The following NCAN variants were observed in gnomAD, a reference collection of about 807,000 sequenced individuals.
The protein encoded by NCAN is neurocan core protein.
NCAN carries 47 observed loss-of-function variants against 121.8 expected under a neutral mutation model. The observed-to-expected ratio is 0.39, with a 90% CI of 0.31 to 0.49. The LOEUF (loss-of-function observed/expected upper bound fraction) is 0.49. Ranked by LOEUF, NCAN falls within the 20% of genes least tolerant of loss-of-function variation. The pLI is 0.92. For synonymous variants in NCAN, 633 were observed against 702.0 expected (o/e 0.90, Z 1.55); for missense variants, 1,517 against 1,773.4 (o/e 0.86, Z 2.60).
intron 10 of NCAN, 86 bp from the exon 11 acceptor site, chr19:19,238,167 C>A (rs1338376004): frequency 1.5e-5 from 24 of 1,572,240 alleles, no homozygotes; most frequent in African/African-American, 2.7e-5. Context: ...GGATTGGGCC[C>A]TCTCTCTGGT....
chr19:19,239,706 TC>T (rs2060895671), intron 11 of NCAN, among the ~76,000 whole-genome samples: 1 of 106,002 alleles, frequency 9.4e-6, no homozygotes, highest in Admixed American at 1.0e-4. Flanking sequence ...CTCCCATTCA[TC>T]CCCTCCTCCC....
intron 8 of NCAN, among the ~76,000 whole-genome samples, chr19:19,232,423 T>C (rs1020153059): frequency 1.3e-5 from 2 of 152,234 alleles, no homozygotes; most frequent in Non-Finnish European, 2.9e-5. Flanking sequence ...GGCAGCCTTG[T>C]GCGTGTGCAC....
At chr19:19,229,657 A>G (rs1029029351) in intron 8 of NCAN, among the ~76,000 whole-genome samples, 21 of 152,240 alleles carry the variant, frequency 1.4e-4, no homozygotes, top group African/African-American at 4.6e-4. Context: ...AGCAGCGTCC[A>G]TAGAAATCGG....
Position 19,224,367 on chromosome 19 carries a change from C to G in NCAN, c.712C>G (p.Arg238Gly). Residue 238 changes from arginine (R) to glycine (G), a missense_variant, in exon 5 of 15, where the codon CGG (arginine) becomes GGG (glycine). Physicochemically the swap from Arg to Gly is moderately radical, Grantham distance 125. Transcript: ENST00000252575. ...YGDRSSLPGVRSYGRRNPQEL... is the reference protein window; with the variant it reads ...YGDRSSLPGVGSYGRRNPQEL... The stretch of plus-strand genomic sequence containing the variant: ...CGACCGTAGCAGCCTTCCAGGGGTT[C>G]GGAGCTATGGGAGGCGCAACCCACA... 6.2e-7 allele frequency: 1 copy of G among 1,614,032 alleles called. No individual in the cohort carries two copies. Among genetic ancestry groups the G allele is most frequent in the Non-Finnish European group, 8.5e-7 (1 of 1,179,976 alleles).
At position 19,219,093 on chromosome 19, in the gene NCAN, G is replaced by T; in HGVS notation, c.252G>T (p.Ala84=). The change falls in exon 3 of 15, where the codon GCG becomes GCT. Residue 84 remains alanine, a synonymous_variant. Coordinates refer to ENST00000252575, the MANE Select transcript of NCAN (RefSeq NM_004386.3). Reference sequence around the variant, plus strand: ...TAAAGTGGACCAAGGTGCGGACTGCGTCGGGCCAGCGACAGGACTTGCCCA... The same window carrying T: ...TAAAGTGGACCAAGGTGCGGACTGCTTCGGGCCAGCGACAGGACTTGCCCA... The part of the protein sequence containing the change: ...PRIKWTKVRT[A]SGQRQDLPIL... 1.2e-6 allele frequency: 2 copies of T among 1,612,550 alleles called. No homozygotes were observed. The highest frequency in any genetic ancestry group is 1.7e-6 in the Non-Finnish European group (2 of 1,179,114).
chr19:19,249,071 G>A (rs1186084086), intron 14 of NCAN, 189 bp downstream of exon 14: 8 of 574,928 alleles, frequency 1.4e-5, no homozygotes, highest in African/African-American at 4.5e-5. Context: ...GTGTGTGTGT[G>A]TGTGTGTGTA....
intron 13 of NCAN, 75 bp from the exon 14 acceptor site, chr19:19,248,625 A>AAAC (rs1051775973): frequency 2.4e-4 from 354 of 1,459,484 alleles, no homozygotes; most frequent in Admixed American, 1.3e-3. Flanking sequence ...ACTCTGTCTC[A>AAAC]AACAACAACA....
Position 19,245,450 on chromosome 19 carries a change from G to A in NCAN, c.3630G>A (p.Lys1210=), listed in dbSNP as rs1345354679. The A allele has an allele frequency of 1.2e-6, 2 of 1,613,994 alleles. No individual in the cohort carries two copies. Among genetic ancestry groups the A allele is most frequent in the East Asian group, 2.2e-5 (1 of 44,872 alleles). Residue 1210 remains lysine (K), a synonymous_variant, in exon 13 of 15, where the codon AAG becomes AAA. Coordinates refer to ENST00000252575, the MANE Select transcript of NCAN (RefSeq NM_004386.3). ...CNYNLPYVCK[K]GTVLCGPPPA... is the part of the protein sequence containing the mutation. ...ACAACCTACCCTATGTCTGCAAGAA[G>A]GGCACAGGTATGCTGTGCCCCCTGC...
chr19:19,228,051 A>ACCCCAAAT lies in NCAN; in HGVS notation c.2432_2439dup (p.Leu814ProfsTer16). 1 of 1,613,358 alleles carries ACCCCAAAT rather than the reference A, an allele frequency of 6.2e-7. No homozygotes were observed. ...TGGAGTCTTCTTGGTACCCAAAGTC[A>ACCCCAAAT]CCCCAAATTTGGAGCCTTGGGTTGC... is the stretch of plus-strand genomic sequence containing the variant. On this transcript the variant is annotated frameshift_variant, in exon 8 of 15. Transcript: ENST00000252575. LOFTEE classifies it high-confidence loss of function.
At chr19:19,216,430 G>T (rs892884566) in intron 1 of NCAN, among the ~76,000 whole-genome samples, 42 of 151,984 alleles carry the variant, frequency 2.8e-4, no homozygotes, top group Non-Finnish European at 2.9e-5. Flanking sequence ...TCCTGCCTCA[G>T]CCTCCTGAGT....
chr19:19,217,993 A>C (rs938970817), intron 2 of NCAN, among the ~76,000 whole-genome samples: 7 of 151,734 alleles, frequency 4.6e-5, no homozygotes, highest in Middle Eastern at 3.4e-3. Context: ...AAAAATAATA[A>C]TAAGGCTGGG....
rs746662781 is a variant in NCAN, at chr19:19,226,723, T to C, written c.1310T>C (p.Met437Thr). 4.3e-6 allele frequency: 7 copies of C among 1,612,654 alleles called. No individual in the cohort carries two copies. The East Asian group carries it at 6.7e-5, about 15-fold the overall frequency. ...QTLSPTPGDPMLASWPTGEVW... is the reference protein window; with the variant it reads ...QTLSPTPGDPTLASWPTGEVW... ...CTCAGCCCTACCCCTGGGGACCCCATGCTGGCCTCATGGCCCACTGGGGAA... is the reference window on the plus strand; with the variant it reads ...CTCAGCCCTACCCCTGGGGACCCCACGCTGGCCTCATGGCCCACTGGGGAA... The change falls in exon 7 of 15, where the codon ATG (methionine) becomes ACG (threonine). Residue 437 changes from methionine (M) to threonine (T), a missense_variant. By Grantham distance (81) the Met-to-Thr change is moderately conservative. Coordinates refer to ENST00000252575, the MANE Select transcript of NCAN (RefSeq NM_004386.3).
Position 19,226,922 on chromosome 19 carries a change from G to A in NCAN, c.1509G>A (p.Gly503=). 4 of 1,597,922 alleles carry A rather than the reference G, an allele frequency of 2.5e-6. No homozygotes were observed. The highest frequency in any genetic ancestry group is 3.4e-6 in the Non-Finnish European group (4 of 1,170,652). Residue 503 remains glycine, a synonymous_variant, in exon 7 of 15, where the codon GGG becomes GGA. Transcript: ENST00000252575. The part of the protein sequence containing the change: ...QQEPEPGLQG[G]MEASAQPPTS... The stretch of plus-strand genomic sequence containing the variant: ...AACCGGAGCCGGGGCTGCAAGGGGG[G>A]ATGGAGGCCAGCGCCCAGCCCCCCA...
At chr19:19,249,452 C>T (rs927929859) in intron 14 of NCAN, among the ~76,000 whole-genome samples, 2 of 152,154 alleles carry the variant, frequency 1.3e-5, no homozygotes, top group Admixed American at 6.5e-5. Context: ...ACTATAGCCT[C>T]ATCCTCCCAG....
rs543057188 is a variant in NCAN at position 19,221,571 on chromosome 19, A to AAAT, written c.475+2275_475+2277dup. Among the ~76,000 whole-genome samples, 130 of 151,362 alleles carry AAAT rather than the reference A, an allele frequency of 8.6e-4. 1 individual carries two copies. In the Middle Eastern group the frequency reaches 0.017, roughly 20 times the overall value. The stretch of plus-strand genomic sequence containing the variant: ...CAACAAGAGGGAAACTCCATCTTAA[A>AAAT]AATAATAATAATAATAATAATACAA... On this transcript the variant is annotated intron_variant, in intron 3 of 14. Transcript: ENST00000252575.
chr19:19,220,946 C>T (rs1309025957), intron 3 of NCAN, among the ~76,000 whole-genome samples: 4 of 151,692 alleles, frequency 2.6e-5, no homozygotes, highest in East Asian at 1.9e-4. Context: ...AAACAAAAAA[C>T]GGGGATGGGG....
Position 19,226,605 on chromosome 19 carries a change from G to A in NCAN, c.1192G>A (p.Glu398Lys). ...RELEPTLEEE[E>K]VVTPDFQEPL... ...ACTGGAGCCCACCCTGGAGGAGGAA[G>A]AGGTGGTCACCCCTGACTTCCAGGA... is the stretch of plus-strand genomic sequence containing the variant. Residue 398 changes from glutamate (E) to lysine (K), a missense_variant, in exon 7 of 15, where the codon GAG becomes AAG. Glu to Lys is a moderately conservative substitution (Grantham distance 56). Transcript: ENST00000252575. 1 of 1,613,954 alleles carries A rather than the reference G, an allele frequency of 6.2e-7. No homozygotes were observed. The highest frequency in any genetic ancestry group is 8.5e-7 in the Non-Finnish European group (1 of 1,180,010).
chr19:19,221,049 A>G (rs112014012), intron 3 of NCAN, among the ~76,000 whole-genome samples: 10,733 of 152,210 alleles, frequency 0.071, 691 homozygotes, highest in African/African-American at 0.16. Context: ...CCTGGGCAAC[A>G]TAGTGAGACC....
intron 8 of NCAN, among the ~76,000 whole-genome samples, chr19:19,230,525 C>A (rs1443143962): frequency 6.6e-6 from 1 of 150,740 alleles, no homozygotes; most frequent in Non-Finnish European, 1.5e-5. Flanking sequence ...CTGCCTCAGG[C>A]TCCCAAGCAG....
Sources: gnomAD v4.1 joint callset for allele counts (sites outside exome capture counted in the v4.1 genomes callset) on GRCh38, gnomAD v4.1.1 for gene constraint, MANE v1.5 for transcripts, NCBI Gene and HGNC (gene_info 2026-07-23, HGNC 2026-07-21) for gene names.